B3GALT1: variants seen among roughly 807,000 people sequenced by gnomAD.
B3GALT1 encodes beta-1,3-galactosyltransferase 1.
A neutral mutation model predicts 23.2 loss-of-function variants in B3GALT1; 10 were observed. The observed-to-expected ratio is 0.43, with a 90% CI of 0.27 to 0.73. The LOEUF (loss-of-function observed/expected upper bound fraction) is 0.73. Ranked by LOEUF, B3GALT1 falls within the 30% of genes least tolerant of loss-of-function variation. B3GALT1 has a pLI of 0.21. For synonymous variants in B3GALT1, 156 were observed against 141.5 expected (o/e 1.10, Z -0.73); for missense variants, 299 against 405.4 (o/e 0.74, Z 2.25).
At position 167,580,426 on chromosome 2, in the gene B3GALT1, A is replaced by G. The variant is rs189690081; in HGVS notation, c.-409-66483A>G. ...TTCTTGGAAAAAAGGCCAAATACCA[A>G]TCCTCCTTTAAACAAATAAAAACCA... On this transcript the variant is annotated intron_variant, in intron 2 of 4. Coordinates refer to ENST00000392690, the MANE Select transcript of B3GALT1 (RefSeq NM_020981.4). 8.7e-4 allele frequency among the ~76,000 whole-genome samples: 132 copies of G among 152,110 alleles called. 1 individual carries two copies. The highest frequency in any genetic ancestry group is 2.9e-3 in the African/African-American group (121 of 41,498).
chr2:167,351,742 T>C (rs1395284278), intron 1 of B3GALT1, among the ~76,000 whole-genome samples: 3 of 152,222 alleles, frequency 2.0e-5, no homozygotes, highest in Admixed American at 1.3e-4. Context: ...GATTCAATTT[T>C]CTTTCTCTCT....
chr2:167,587,003 C>G (rs367731070), intron 2 of B3GALT1, among the ~76,000 whole-genome samples: 28 of 152,276 alleles, frequency 1.8e-4, no homozygotes, highest in African/African-American at 4.8e-4. Context: ...AGTTAAACAT[C>G]TTGTACTCCT....
At chr2:167,519,798 A>T (rs1048400620) in intron 2 of B3GALT1, among the ~76,000 whole-genome samples, 3 of 152,176 alleles carry the variant, frequency 2.0e-5, no homozygotes, top group African/African-American at 7.2e-5. Context: ...TTGGCCATGC[A>T]CGGTGGCTCA....
chr2:167,383,398 T>G (rs555587356), intron 1 of B3GALT1, among the ~76,000 whole-genome samples: 5 of 152,260 alleles, frequency 3.3e-5, no homozygotes, highest in Admixed American at 6.5e-5. Flanking sequence ...TAACATGAAG[T>G]AGGCCTTGAC....
chr2:167,353,740 A>G (rs1697356348), intron 1 of B3GALT1, among the ~76,000 whole-genome samples: 1 of 152,100 alleles, frequency 6.6e-6, no homozygotes, highest in African/African-American at 2.4e-5. Flanking sequence ...CTCTTGAATG[A>G]TTTTTCAATT....
intron 1 of B3GALT1, among the ~76,000 whole-genome samples, chr2:167,412,243 TAAA>T (rs1698404396): frequency 6.6e-6 from 1 of 152,120 alleles, no homozygotes; most frequent in Admixed American, 6.5e-5. Context: ...AGAAAAGTAA[TAAA>T]GAAGTAAATC....
chr2:167,502,996 G>A (rs755513385), intron 2 of B3GALT1, among the ~76,000 whole-genome samples: 7 of 152,012 alleles, frequency 4.6e-5, no homozygotes, highest in Non-Finnish European at 1.0e-4. Context: ...CCGAGATCAC[G>A]GCATTGTACT....
intron 3 of B3GALT1, chr2:167,715,759 C>T (rs1179000603): frequency 8.7e-6 from 14 of 1,613,086 alleles, no homozygotes; most frequent in Admixed American, 5.0e-5. Flanking sequence ...AGCCTTCATA[C>T]TCTTTTGGAA....
intron 2 of B3GALT1, among the ~76,000 whole-genome samples, chr2:167,549,117 A>C (rs1477427337): frequency 6.6e-6 from 1 of 152,250 alleles, no homozygotes; most frequent in East Asian, 1.9e-4. Flanking sequence ...CTGACAACAC[A>C]TAAACCTCTC....
chr2:167,563,180 G>A (rs1413138464), intron 2 of B3GALT1, among the ~76,000 whole-genome samples: 1 of 151,832 alleles, frequency 6.6e-6, no homozygotes, highest in Non-Finnish European at 1.5e-5. Flanking sequence ...CTCCCAGACA[G>A]GGTGGTGGCC....
At chr2:167,729,608 AT>A (rs1161335809) in intron 3 of B3GALT1, among the ~76,000 whole-genome samples, 1 of 152,134 alleles carries the variant, frequency 6.6e-6, no homozygotes, top group Non-Finnish European at 1.5e-5. Flanking sequence ...ATTATGTAAG[AT>A]TTTTATTTAA....
intron 2 of B3GALT1, among the ~76,000 whole-genome samples, chr2:167,528,256 G>T (rs756925037): frequency 3.3e-5 from 5 of 152,064 alleles, no homozygotes; most frequent in Non-Finnish European, 7.4e-5. Context: ...CCACTCTATT[G>T]CAAGAAAATG....
At chr2:167,755,389 T>G (rs1298166618) in intron 3 of B3GALT1, among the ~76,000 whole-genome samples, 1 of 151,404 alleles carries the variant, frequency 6.6e-6, no homozygotes, top group African/African-American at 2.4e-5. Flanking sequence ...ACCCTCCTAG[T>G]GTTGCGTCCC....
chr2:167,712,780 G>T (rs764713668), intron 3 of B3GALT1, among the ~76,000 whole-genome samples: 6 of 152,132 alleles, frequency 3.9e-5, no homozygotes, highest in Non-Finnish European at 7.4e-5. Context: ...TGGGGCATCT[G>T]TTAGGGCTAT....
chr2:167,315,178 A>T (rs1374968375), intron 1 of B3GALT1, among the ~76,000 whole-genome samples: 1 of 152,154 alleles, frequency 6.6e-6, no homozygotes, highest in East Asian at 1.9e-4. Flanking sequence ...AGAATAATAA[A>T]CTGTTTTTTT....
chr2:167,698,042 A>T (rs758489295), intron 3 of B3GALT1, among the ~76,000 whole-genome samples: 3 of 152,224 alleles, frequency 2.0e-5, no homozygotes, highest in Non-Finnish European at 4.4e-5. Flanking sequence ...ATTGCACTTC[A>T]TAACTGTGAA....
At chr2:167,842,869 T>C (rs2105402401) in intron 4 of B3GALT1, among the ~76,000 whole-genome samples, 1 of 151,866 alleles carries the variant, frequency 6.6e-6, no homozygotes, top group Non-Finnish European at 1.5e-5. Flanking sequence ...CCTGAATCAA[T>C]AATAATAATA....
At chr2:167,399,572 CAA>C (rs1158719640) in intron 1 of B3GALT1, among the ~76,000 whole-genome samples, 1 of 151,912 alleles carries the variant, frequency 6.6e-6, no homozygotes, top group African/African-American at 2.4e-5. Flanking sequence ...CAATTCTTCC[CAA>C]GTTTTTTATT....
At chr2:167,477,415 G>T (rs934037903) in intron 1 of B3GALT1, among the ~76,000 whole-genome samples, 2 of 152,134 alleles carry the variant, frequency 1.3e-5, no homozygotes, top group Non-Finnish European at 2.9e-5. Flanking sequence ...CTGAGTCTTT[G>T]AACAAAAACT....
Sources: gnomAD v4.1 joint callset for allele counts (sites outside exome capture counted in the v4.1 genomes callset) on GRCh38, gnomAD v4.1.1 for gene constraint, MANE v1.5 for transcripts, NCBI Gene and HGNC (gene_info 2026-07-23, HGNC 2026-07-21) for gene names.